The following ANKRD46 variants were observed in gnomAD, a reference collection of about 807,000 sequenced individuals.
The protein encoded by ANKRD46 is ankyrin repeat domain 46, also known as ankyrin repeat domain-containing protein 46.
In ANKRD46, 13 loss-of-function variants were observed where a neutral mutation model predicts 19.8. That is an observed-to-expected ratio of 0.66 (90% CI 0.43 to 1.04). The LOEUF is 1.04. Ranked by LOEUF, ANKRD46 falls within the 50% of genes least tolerant of loss-of-function variation. The pLI, the probability that ANKRD46 is intolerant of heterozygous loss-of-function variation, is 0.00. For synonymous variants in ANKRD46, 91 were observed against 106.9 expected (o/e 0.85, Z 0.92); for missense variants, 185 against 274.8 (o/e 0.67, Z 2.31).
rs1194542178 is a variant in ANKRD46, at chr8:100,537,689, T to C, written c.-130-4378A>G. On this transcript the variant is annotated intron_variant, in intron 1 of 4. Transcript: ENST00000335659. This position sits in a 1 kb window ranked among gnomAD's most constrained non-coding sequence, Gnocchi z 4.2. ...ATACTGGGCAAGGAAAAATGCCATG[T>C]TGAAAAGAAATTTAGCTGTGAGCAA... Among the ~76,000 whole-genome samples the C allele has an allele frequency of 3.3e-5, 5 of 152,222 alleles. No individual in the cohort carries two copies. Among genetic ancestry groups the C allele is most frequent in the Non-Finnish European group, 7.3e-5 (5 of 68,030 alleles).
At chr8:100,541,289 G>A (rs979229609) in intron 1 of ANKRD46, among the ~76,000 whole-genome samples, 2 of 151,896 alleles carry the variant, frequency 1.3e-5, no homozygotes, top group African/African-American at 4.8e-5. Context: ...TTATTGTGTT[G>A]TTTCAAAATA....
chr8:100,524,152 G>A lies in ANKRD46; in HGVS notation c.471-1381C>T, dbSNP rs1811788786. On this transcript the variant is annotated intron_variant, in intron 4 of 4. Coordinates refer to ENST00000335659, the MANE Select transcript of ANKRD46 (RefSeq NM_001270377.2). This position sits in a 1 kb window ranked among gnomAD's most constrained non-coding sequence, Gnocchi z 4.3. ...ACAAAGAGAAACTGCATCTGACTTT[G>A]GTACTTGGAAGCACTAAGGGAAGAG... Among the ~76,000 whole-genome samples the A allele has an allele frequency of 6.6e-6, 1 of 152,102 alleles. No individual in the cohort carries two copies. The highest frequency in any genetic ancestry group is 1.5e-5 in the Non-Finnish European group (1 of 68,024).
rs1019295085 is a variant in ANKRD46, at chr8:100,529,806, A to T, written c.28T>A (p.Ser10Thr). ...TGCAGCAAGGGCACGTTAGTCTGAGAAGAATCATTTACAAAAACATACGAC... is the reference window on the plus strand; with the variant it reads ...TGCAGCAAGGGCACGTTAGTCTGAGTAGAATCATTTACAAAAACATACGAC... MSYVFVNDSSQTNVPLLQAC... is the reference protein window; with the variant it reads MSYVFVNDSTQTNVPLLQAC... Residue 10 changes from serine to threonine, a missense_variant, in exon 3 of 5, where the codon TCT (serine) becomes ACT (threonine). Transcript: ENST00000335659. This position sits in a 1 kb window ranked among gnomAD's most constrained non-coding sequence, Gnocchi z 5.8. 2.5e-5 allele frequency: 40 copies of T among 1,614,040 alleles called. No individual in the cohort carries two copies. The highest frequency in any genetic ancestry group is 3.2e-5 in the Non-Finnish European group (38 of 1,179,992).
rs905370384 is a variant in ANKRD46 at position 100,541,431 on chromosome 8, G to T, written c.-130-8120C>A. 2.6e-5 allele frequency among the ~76,000 whole-genome samples: 4 copies of T among 152,128 alleles called. No individual in the cohort carries two copies. The East Asian group carries it at 7.7e-4, about 29-fold the overall frequency. Reference sequence around the variant, plus strand: ...GAAGAAGCTTAACTGTAGTAGTCACGTGTCGCTTAATGATGGGGTATGTTC... The same window carrying T: ...GAAGAAGCTTAACTGTAGTAGTCACTTGTCGCTTAATGATGGGGTATGTTC... On this transcript the variant is annotated intron_variant, in intron 1 of 4. Transcript: ENST00000335659.
In ANKRD46 at chr8:100,521,703, T is replaced by A; in HGVS notation, c.*852A>T. The A allele has an allele frequency of 1.0e-6, 1 of 985,422 alleles. No individual in the cohort carries two copies. The highest frequency in any genetic ancestry group is 1.2e-6 in the Non-Finnish European group (1 of 829,912). The allele number at this position is 985,422 out of a possible 1,614,324, so 61.0% of individuals were successfully genotyped here. On this transcript the variant is annotated 3_prime_UTR_variant, in exon 5 of 5. Transcript: ENST00000335659. ...CAGCTAGCTTATAGAACTGAGTTTT[T>A]CACTATAATAGCACTACAGAATTAT...
intron 1 of ANKRD46, chr8:100,551,264 G>T: frequency 2.0e-6 from 1 of 489,222 alleles, no homozygotes; most frequent in South Asian, 1.8e-5. Context: ...TGGTGGTACA[G>T]AAGGCATTGC....
In ANKRD46 at chr8:100,522,537, C is replaced by T; in HGVS notation, c.*18G>A. 1 of 1,612,536 alleles carries T rather than the reference C, an allele frequency of 6.2e-7. No homozygotes were observed. Among genetic ancestry groups the T allele is most frequent in the Non-Finnish European group, 8.5e-7 (1 of 1,178,968 alleles). On this transcript the variant is annotated 3_prime_UTR_variant, in exon 5 of 5. Coordinates refer to ENST00000335659, the MANE Select transcript of ANKRD46 (RefSeq NM_001270377.2). The stretch of plus-strand genomic sequence containing the variant: ...CCAGGAAACAGGCAATTAATTGCCT[C>T]ATCTTCCATGAGCTCCTTTAATGCA...
chr8:100,548,571 G>A (rs1262589093), intron 1 of ANKRD46, among the ~76,000 whole-genome samples: 2 of 152,234 alleles, frequency 1.3e-5, no homozygotes, highest in East Asian at 1.9e-4. Context: ...GAGTTGTCTT[G>A]TTCCACACTA....
At chr8:100,553,201 C>T (rs1812427701) in intron 1 of ANKRD46, among the ~76,000 whole-genome samples, 1 of 152,086 alleles carries the variant, frequency 6.6e-6, no homozygotes, top group Middle Eastern at 3.2e-3. Context: ...TAAAAATAAG[C>T]CTATTGTGGG....
chr8:100,529,874 G>A lies in ANKRD46; in HGVS notation c.-27-14C>T. The A allele has an allele frequency of 6.4e-7, 1 of 1,568,818 alleles. No homozygotes were observed. Among genetic ancestry groups the A allele is most frequent in the Non-Finnish European group, 8.7e-7 (1 of 1,148,018 alleles). On this transcript the variant is annotated splice_polypyrimidine_tract_variant and intron_variant, in intron 2 of 4. Transcript: ENST00000335659. This position sits in a 1 kb window ranked among gnomAD's most constrained non-coding sequence, Gnocchi z 5.8. ...GATGGAACACGCCTGTAATGAAATA[G>A]GTGAGTGAGATTCCATGAAGACAAA...
At chr8:100,556,545 G>A (rs1250750271) in intron 1 of ANKRD46, 7 of 152,104 alleles carry the variant, frequency 4.6e-5, no homozygotes, top group Admixed American at 1.3e-4. Flanking sequence ...TCAAATAACC[G>A]ACATATGAAA....
chr8:100,539,333 A>G (rs1812127950), intron 1 of ANKRD46, among the ~76,000 whole-genome samples: 1 of 152,238 alleles, frequency 6.6e-6, no homozygotes, highest in Non-Finnish European at 1.5e-5. Flanking sequence ...ATTCTTTAAA[A>G]AAGGAAAAGA....
chr8:100,556,895 T>C (rs568362021), intron 1 of ANKRD46: 27 of 152,302 alleles, frequency 1.8e-4, no homozygotes, highest in African/African-American at 6.3e-4. Context: ...TATCTGAATG[T>C]GGAAAGCCCT....
At position 100,522,768 on chromosome 8, in the gene ANKRD46, G is replaced by A; in HGVS notation, c.474C>T (p.Ala158=). The change falls in exon 5 of 5, where the codon GCC becomes GCT. Residue 158 remains alanine, a synonymous_variant. Coordinates refer to ENST00000335659, the MANE Select transcript of ANKRD46 (RefSeq NM_001270377.2). ...ETMQTAESES[A]MESHSLLNPN... is the part of the protein sequence containing the mutation. ...GATTGAGGAGTGAATGGCTTTCCAT[G>A]GCACTGTGGAAGAAGAAAGAGCAAA... The A allele has an allele frequency of 1.2e-6, 2 of 1,613,222 alleles. No homozygotes were observed. Among genetic ancestry groups the A allele is most frequent in the Non-Finnish European group, 1.7e-6 (2 of 1,179,746 alleles).
downstream of ANKRD46, among the ~76,000 whole-genome samples, chr8:100,520,328 A>G (rs1811700107): frequency 6.6e-6 from 1 of 152,212 alleles, no homozygotes; most frequent in African/African-American, 2.4e-5. Context: ...CCATTTCCAG[A>G]TTCATGAAAG....
At position 100,511,200 on chromosome 8, in the gene ANKRD46, T is replaced by G. The variant is rs77575237; in HGVS notation, c.637-561A>C. On this transcript the variant is annotated intron_variant, in intron 5 of 5. Coordinates refer to the ANKRD46 transcript ENST00000520552. The surrounding 1 kb of genome is among the most constrained non-coding windows in gnomAD (Gnocchi z 4.1). ...TAACAGATGAGCTGAGTCAGGAATA[T>G]CCCCATTGAACAGATGGTGTACCTA... Among the ~76,000 whole-genome samples the G allele has an allele frequency of 0.014, 2,139 of 152,256 alleles. 29 individuals carry two copies. The highest frequency in any genetic ancestry group is 0.022 in the Non-Finnish European group (1,496 of 68,006).
intron 5 of ANKRD46, among the ~76,000 whole-genome samples, chr8:100,514,728 T>G (rs1456448471): frequency 6.8e-6 from 1 of 146,720 alleles, no homozygotes; most frequent in Non-Finnish European, 1.5e-5. Flanking sequence ...CTCAAGTGAT[T>G]CCCAGAGCTC....
rs1289531902 is a variant in ANKRD46 at position 100,510,664 on chromosome 8, A to T, written c.637-25T>A. ...TCTGTAAATGTGGGGAAGACAGATT[A>T]AAAAAAAAAAAAAATCCCAGTTCTG... On this transcript the variant is annotated intron_variant, in intron 5 of 5. Transcript: ENST00000520552. The surrounding 1 kb of genome is among the most constrained non-coding windows in gnomAD (Gnocchi z 4.9). 6.1e-6 allele frequency: 2 copies of T among 328,688 alleles called. No homozygotes were observed. Among genetic ancestry groups the T allele is most frequent in the African/African-American group, 2.4e-5 (1 of 41,352 alleles). 20.4% of individuals were successfully genotyped at this position (328,688 alleles called of 1,614,324 possible). A position where few individuals can be genotyped will look rare whatever the true frequency, so the allele number is the denominator to read the frequency against.
At position 100,557,068 on chromosome 8, in the gene ANKRD46, A is replaced by T. The variant is rs938836018; in HGVS notation, c.-131+2643T>A. 2.7e-5 allele frequency among the ~76,000 whole-genome samples: 4 copies of T among 150,522 alleles called. No homozygotes were observed. The highest frequency in any genetic ancestry group is 5.9e-5 in the Non-Finnish European group (4 of 67,490). ...ATAGCTGATGAGCTTAAAAAAAAAT[A>T]CAATCAATCTCATAATGTTTTAAGT... On this transcript the variant is annotated intron_variant, in intron 1 of 4. Coordinates refer to ENST00000335659, the MANE Select transcript of ANKRD46 (RefSeq NM_001270377.2). This position sits in a 1 kb window ranked among gnomAD's most constrained non-coding sequence, Gnocchi z 5.9.
Sources: allele counts gnomAD v4.1 joint callset (sites outside exome capture counted in the v4.1 genomes callset), GRCh38; gene constraint gnomAD v4.1.1; non-coding constraint Gnocchi (gnomAD v3.1); transcripts MANE v1.5; gene names NCBI Gene and HGNC (gene_info 2026-07-23, HGNC 2026-07-21).